PCDHGB7: variants seen among roughly 807,000 people sequenced by gnomAD.
PCDHGB7 encodes protocadherin gamma subfamily B, 7.
A neutral mutation model predicts 61.4 loss-of-function variants in PCDHGB7; 37 were observed. That is an observed-to-expected ratio of 0.60 (90% CI 0.46 to 0.79). The LOEUF (loss-of-function observed/expected upper bound fraction) is 0.79, where lower values mean the gene tolerates loss of function less well. PCDHGB7 is among the 30% of genes least tolerant of loss of function. The pLI, the probability that PCDHGB7 is intolerant of heterozygous loss-of-function variation, is 0.00. For missense variants in PCDHGB7, 1,166 were observed against 1,202.5 expected (o/e 0.97, Z 0.45); for synonymous variants, 464 against 503.5 (o/e 0.92, Z 1.05).
Position 141,478,294 on chromosome 5 carries a change from A to G in PCDHGB7, c.2416-16513A>G, listed in dbSNP as rs147994096. The G allele has an allele frequency of 3.6e-3, 5,805 of 1,614,110 alleles. 30 individuals are homozygous for G. Among genetic ancestry groups the G allele is most frequent in the Non-Finnish European group, 3.4e-3 (4,026 of 1,180,032 alleles). The stretch of plus-strand genomic sequence containing the variant: ...ACAAGTGGAAGCAGTCTAGAGACCT[A>G]TACCGAGCCCCGGTGAGCTCACTGT... On this transcript the variant is annotated intron_variant, in intron 1 of 3. Coordinates refer to ENST00000398594, the MANE Select transcript of PCDHGB7 (RefSeq NM_018927.4).
intron 1 of PCDHGB7, chr5:141,428,460 T>G (rs558111052): frequency 2.8e-6 from 1 of 351,434 alleles, no homozygotes; most frequent in African/African-American, 2.1e-5. Context: ...CCAACTACAA[T>G]GAGGGAACTT....
intron 1 of PCDHGB7, among the ~76,000 whole-genome samples, chr5:141,480,115 G>A (rs1164458958): frequency 6.6e-6 from 1 of 152,110 alleles, no homozygotes; most frequent in African/African-American, 2.4e-5. Flanking sequence ...CATGGTGCCT[G>A]GCATATCATA....
At chr5:141,478,329 C>T (rs1295950117) in intron 1 of PCDHGB7, 1 of 1,613,982 alleles carries the variant, frequency 6.2e-7, no homozygotes, top group African/African-American at 1.3e-5. Context: ...TACCGAACAC[C>T]AGGGCCCTCC....
At chr5:141,478,733 T>C (rs1562072874) in intron 1 of PCDHGB7, 8 of 1,537,128 alleles carry the variant, frequency 5.2e-6, no homozygotes, top group Non-Finnish European at 7.0e-6. Context: ...AGAGTGTGGT[T>C]TGTGGTCCCA....
In PCDHGB7 at chr5:141,432,167, T is replaced by G. The variant is rs559707772; in HGVS notation, c.2415+11893T>G. The G allele has an allele frequency of 1.4e-5, 22 of 1,613,962 alleles. No homozygotes were observed. The highest frequency in any genetic ancestry group is 9.3e-5 in the African/African-American group (7 of 74,972). On this transcript the variant is annotated intron_variant, in intron 1 of 3. Coordinates refer to ENST00000398594, the MANE Select transcript of PCDHGB7 (RefSeq NM_018927.4). The surrounding 1 kb of genome is among the most constrained non-coding windows in gnomAD (Gnocchi z 6.0). Reference sequence around the variant, plus strand: ...CCCAGAGAACAATCCCAGAGGAGTTTCCCTCGTCTCTGTGACCGCCCACGA... The same window carrying G: ...CCCAGAGAACAATCCCAGAGGAGTTGCCCTCGTCTCTGTGACCGCCCACGA...
chr5:141,505,287 TG>T, intron 2 of PCDHGB7, 105 bp from the exon 3 acceptor site: 1 of 1,550,864 alleles, frequency 6.4e-7, no homozygotes, highest in Middle Eastern at 2.1e-4. Context: ...GTCTTGGGCA[TG>T]GGGTAGGGTT....
At position 141,485,301 on chromosome 5, in the gene PCDHGB7, C is replaced by T; in HGVS notation, c.2416-9506C>T. 1 of 1,614,124 alleles carries T rather than the reference C, an allele frequency of 6.2e-7. No homozygotes were observed. The highest frequency in any genetic ancestry group is 1.1e-5 in the South Asian group (1 of 91,082). The stretch of plus-strand genomic sequence containing the variant: ...GTCCCAGAGGAGTCACAGGAAGGGA[C>T]TTTTGTAGGGAATGTCGCTCAAGAT... On this transcript the variant is annotated intron_variant, in intron 1 of 3. Coordinates refer to ENST00000398594, the MANE Select transcript of PCDHGB7 (RefSeq NM_018927.4). This position sits in a 1 kb window ranked among gnomAD's most constrained non-coding sequence, Gnocchi z 5.7.
rs764434052 is a variant in PCDHGB7, at chr5:141,431,792, C to T, written c.2415+11518C>T. ...TGTTCTGGACGTGAACGACAATGCC[C>T]CAGAAGTGGTCCTCACCTCTCTCGC... is the stretch of plus-strand genomic sequence containing the variant. On this transcript the variant is annotated intron_variant, in intron 1 of 3. Transcript: ENST00000398594. This position sits in a 1 kb window ranked among gnomAD's most constrained non-coding sequence, Gnocchi z 4.8. The T allele has an allele frequency of 3.7e-6, 6 of 1,614,234 alleles. No homozygotes were observed. The South Asian group carries it at 6.6e-5, about 18-fold the overall frequency.
rs1174072440 is a variant in PCDHGB7, at chr5:141,438,581, TACATACATAC to T, written c.2415+18309_2415+18318del. Among the ~76,000 whole-genome samples, 141 of 49,790 alleles carry T rather than the reference TACATACATAC, an allele frequency of 2.8e-3. 1 individual carries two copies. Among genetic ancestry groups the T allele is most frequent in the African/African-American group, 0.014 (97 of 6,866 alleles). 32.7% of individuals were successfully genotyped at this position (49,790 alleles called of 152,430 possible). A position where few individuals can be genotyped will look rare whatever the true frequency, so the allele number is the denominator to read the frequency against. On this transcript the variant is annotated intron_variant, in intron 1 of 3. Coordinates refer to ENST00000398594, the MANE Select transcript of PCDHGB7 (RefSeq NM_018927.4). ...GAGGCAGCTGTCTGATATACATACA[TACATACATAC>T]ATATATATATATATATATATATATA...
At chr5:141,441,793 C>T (rs961624726) in intron 1 of PCDHGB7, 7 of 391,390 alleles carry the variant, frequency 1.8e-5, no homozygotes, top group Non-Finnish European at 3.6e-5. Flanking sequence ...AATGACAACG[C>T]ACCGCGGGTG....
chr5:141,486,653 C>G lies in PCDHGB7; in HGVS notation c.2416-8154C>G. On this transcript the variant is annotated intron_variant, in intron 1 of 3. Transcript: ENST00000398594. This position sits in a 1 kb window ranked among gnomAD's most constrained non-coding sequence, Gnocchi z 5.0. ...CTTGAATGCGCTTATCTCCTACTCA[C>G]TCCTGGAGCCCAGGAATCGAGATGT... is the stretch of plus-strand genomic sequence containing the variant. 1 of 1,613,968 alleles carries G rather than the reference C, an allele frequency of 6.2e-7. No individual in the cohort carries two copies. Among genetic ancestry groups the G allele is most frequent in the Non-Finnish European group, 8.5e-7 (1 of 1,180,034 alleles).
In PCDHGB7 at chr5:141,486,217, T is replaced by C; in HGVS notation, c.2416-8590T>C. ...TGCTGGACGTAAATGACAATGCCCC[T>C]TACATCACAGTGACCTCAGAGCTTG... On this transcript the variant is annotated intron_variant, in intron 1 of 3. Coordinates refer to ENST00000398594, the MANE Select transcript of PCDHGB7 (RefSeq NM_018927.4). The surrounding 1 kb of genome is among the most constrained non-coding windows in gnomAD (Gnocchi z 5.0). The C allele has an allele frequency of 6.2e-7, 1 of 1,614,120 alleles. No homozygotes were observed.
At chr5:141,480,591 T>G (rs557048485) in intron 1 of PCDHGB7, among the ~76,000 whole-genome samples, 1 of 138,080 alleles carries the variant, frequency 7.2e-6, no homozygotes, top group South Asian at 2.2e-4. Flanking sequence ...GCCGCTCTTC[T>G]GGTCAGCCTG....
At chr5:141,508,700 CCT>C in intron 3 of PCDHGB7, among the ~76,000 whole-genome samples, 1 of 152,158 alleles carries the variant, frequency 6.6e-6, no homozygotes, top group Non-Finnish European at 1.5e-5. Flanking sequence ...CCGTGTTCCT[CCT>C]CATTCTTTTC....
At chr5:141,434,462 C>T (rs2097695951) in intron 1 of PCDHGB7, among the ~76,000 whole-genome samples, 1 of 152,156 alleles carries the variant, frequency 6.6e-6, no homozygotes, top group Non-Finnish European at 1.5e-5. Flanking sequence ...GTGGGTTTAC[C>T]GGAATGAGGG....
chr5:141,455,400 C>G (rs537466326), intron 1 of PCDHGB7, among the ~76,000 whole-genome samples: 8 of 152,274 alleles, frequency 5.3e-5, no homozygotes, highest in Admixed American at 5.2e-4. Context: ...CTCCCCCTTA[C>G]AGAGACAGAG....
In PCDHGB7 at chr5:141,421,516, T is replaced by G. The variant is rs199973694; in HGVS notation, c.2415+1242T>G. On this transcript the variant is annotated intron_variant, in intron 1 of 3. Transcript: ENST00000398594. Reference sequence around the variant, plus strand: ...AGGCAGGATAGACCGGGAGGAGCTCTGTGAGACGGTGTCCTCCTGTTTTTT... The same window carrying G: ...AGGCAGGATAGACCGGGAGGAGCTCGGTGAGACGGTGTCCTCCTGTTTTTT... 1.4e-5 allele frequency: 22 copies of G among 1,614,064 alleles called. No homozygotes were observed. The East Asian group carries it at 4.9e-4, about 36-fold the overall frequency.
In PCDHGB7 at chr5:141,489,432, G is replaced by A. The variant is rs2099687138; in HGVS notation, c.2416-5375G>A. ...TGACAGATCTGTTGAGCCGGCGGCTGCAATTGGGCTCTGAGGAGAATGGGC... is the reference window on the plus strand; with the variant it reads ...TGACAGATCTGTTGAGCCGGCGGCTACAATTGGGCTCTGAGGAGAATGGGC... On this transcript the variant is annotated intron_variant, in intron 1 of 3. Transcript: ENST00000398594. The surrounding 1 kb of genome is among the most constrained non-coding windows in gnomAD (Gnocchi z 4.5). 3.1e-6 allele frequency: 5 copies of A among 1,614,166 alleles called. No individual in the cohort carries two copies. Among genetic ancestry groups the A allele is most frequent in the Non-Finnish European group, 4.2e-6 (5 of 1,180,036 alleles).
intron 1 of PCDHGB7, among the ~76,000 whole-genome samples, chr5:141,482,412 T>C (rs2099559037): frequency 6.6e-6 from 1 of 151,636 alleles, no homozygotes; most frequent in Non-Finnish European, 1.5e-5. Context: ...TAACTATTTG[T>C]TGAACTAAAA....
Sources: gnomAD v4.1 joint callset for allele counts (sites outside exome capture counted in the v4.1 genomes callset) on GRCh38, gnomAD v4.1.1 for gene constraint, Gnocchi (gnomAD v3.1) non-coding constraint, MANE v1.5 for transcripts, NCBI Gene and HGNC (gene_info 2026-07-23, HGNC 2026-07-21) for gene names.